The following SLC44A5 variants were observed in gnomAD, a reference collection of about 807,000 sequenced individuals.
SLC44A5 encodes choline transporter-like protein 5.
In SLC44A5, 57 loss-of-function variants were observed where a neutral mutation model predicts 101.8. That is an observed-to-expected ratio of 0.56 (90% confidence interval 0.45 to 0.70). The LOEUF (loss-of-function observed/expected upper bound fraction) is 0.70, where lower values mean the gene tolerates loss of function less well. SLC44A5 is among the 30% of genes least tolerant of loss of function. The pLI is 0.00. For synonymous variants in SLC44A5, 281 were observed against 290.9 expected, an observed-to-expected ratio of 0.97 and a Z score of 0.35; for missense variants, 737 against 853.1, an observed-to-expected ratio of 0.86 and a Z score of 1.70.
intron 3 of SLC44A5, among the ~76,000 whole-genome samples, chr1:75,391,235 A>T (rs1188551321): frequency 6.6e-6 from 1 of 152,178 alleles, no homozygotes; most frequent in African/African-American, 2.4e-5. Context: ...TATTCCTTGC[A>T]CATAGATTGG....
At chr1:75,503,307 C>G (rs1669069213) in intron 2 of SLC44A5, among the ~76,000 whole-genome samples, 1 of 152,046 alleles carries the variant, frequency 6.6e-6, no homozygotes, top group Non-Finnish European at 1.5e-5. Context: ...GGCTCTGTGT[C>G]CCCAACCATA....
intron 2 of SLC44A5, among the ~76,000 whole-genome samples, chr1:75,459,278 C>G (rs1666362688): frequency 6.6e-6 from 1 of 152,030 alleles, no homozygotes; most frequent in Non-Finnish European, 1.5e-5. Context: ...AAAATAATAG[C>G]CTTTATTTAT....
chr1:75,539,672 C>T (rs2101947285), intron 2 of SLC44A5, among the ~76,000 whole-genome samples: 1 of 152,186 alleles, frequency 6.6e-6, no homozygotes, highest in Non-Finnish European at 1.5e-5. Context: ...GGCTCAAGCC[C>T]AAGGAATCTG....
the SLC44A5 span, among the ~76,000 whole-genome samples, chr1:75,711,088 TC>T: frequency 2.6e-5 from 4 of 152,162 alleles, no homozygotes; most frequent in Admixed American, 2.0e-4. Flanking sequence ...TGACTTAAAT[TC>T]CCAAGACAGC....
At chr1:75,638,893 T>C in the SLC44A5 span, among the ~76,000 whole-genome samples, 2 of 152,048 alleles carry the variant, frequency 1.3e-5, no homozygotes, top group Non-Finnish European at 2.9e-5. Flanking sequence ...CTTCTGCCAA[T>C]TGCAACAATA....
intron 2 of SLC44A5, among the ~76,000 whole-genome samples, chr1:75,529,489 A>AGAATCAGG (rs1320375406): frequency 5.9e-5 from 9 of 152,200 alleles, no homozygotes; most frequent in African/African-American, 2.2e-4. Context: ...ACTCTACAGA[A>AGAATCAGG]GAATCAGGGT....
At chr1:75,259,690 A>T (rs889363002) in intron 6 of SLC44A5, among the ~76,000 whole-genome samples, 7 of 152,138 alleles carry the variant, frequency 4.6e-5, no homozygotes, top group Non-Finnish European at 1.0e-4. Flanking sequence ...CACCACAAAG[A>T]TATTCCTTGA....
At chr1:75,262,740 G>A (rs1252301334) in intron 6 of SLC44A5, among the ~76,000 whole-genome samples, 9 of 152,054 alleles carry the variant, frequency 5.9e-5, no homozygotes, top group Non-Finnish European at 1.3e-4. Flanking sequence ...TATACTACAA[G>A]GCTACAGTAA....
chr1:75,304,868 C>T (rs988091282), intron 4 of SLC44A5, among the ~76,000 whole-genome samples: 1 of 152,138 alleles, frequency 6.6e-6, no homozygotes, highest in Non-Finnish European at 1.5e-5. Context: ...AGAATAGTTA[C>T]AGAGACAGTT....
At chr1:75,387,457 A>G (rs1661446043) in intron 3 of SLC44A5, among the ~76,000 whole-genome samples, 1 of 95,430 alleles carries the variant, frequency 1.0e-5, no homozygotes. Flanking sequence ...AACACATGAA[A>G]AAATGCTCAT....
At chr1:75,677,378 T>C in the SLC44A5 span, among the ~76,000 whole-genome samples, 1 of 152,216 alleles carries the variant, frequency 6.6e-6, no homozygotes, top group Non-Finnish European at 1.5e-5. Flanking sequence ...TGTTTATTAA[T>C]TTGTTTAAGC....
At chr1:75,283,591 T>A (rs1363620596) in intron 5 of SLC44A5, among the ~76,000 whole-genome samples, 1 of 151,992 alleles carries the variant, frequency 6.6e-6, no homozygotes, top group Non-Finnish European at 1.5e-5. Flanking sequence ...TCCAGAAGAG[T>A]TTTTCTGATG....
At chr1:75,203,873 A>C in intron 23 of SLC44A5, 40 bp from the exon 24 acceptor site, 1 of 1,505,398 alleles carries the variant, frequency 6.6e-7, no homozygotes, top group Non-Finnish European at 8.9e-7. Context: ...TCAAAGCAGA[A>C]CTGTAAGAGA....
chr1:75,620,676 T>C, the SLC44A5 span, among the ~76,000 whole-genome samples: 2 of 152,166 alleles, frequency 1.3e-5, no homozygotes, highest in South Asian at 4.1e-4. Context: ...TTGATAGGGT[T>C]GTTTGTTTTT....
intron 3 of SLC44A5, among the ~76,000 whole-genome samples, chr1:75,385,011 A>G (rs1661202721): frequency 6.6e-6 from 1 of 152,194 alleles, no homozygotes. Flanking sequence ...GAAACCAATG[A>G]GAACAAAGAC....
chr1:75,666,771 G>C, the SLC44A5 span, among the ~76,000 whole-genome samples: 1 of 152,084 alleles, frequency 6.6e-6, no homozygotes, highest in Non-Finnish European at 1.5e-5. Context: ...GGCATGCAAG[G>C]CTGGTTCAAC....
rs148322359 is a variant in SLC44A5, at chr1:75,298,617, C to T, written c.175+1995G>A. ...TCTGTGGACTACATTAGACTGGCTTCGAGATACAGAGGAGAGACCTATTTG... is the reference window on the plus strand; with the variant it reads ...TCTGTGGACTACATTAGACTGGCTTTGAGATACAGAGGAGAGACCTATTTG... On this transcript the variant is annotated intron_variant, in intron 5 of 23. Transcript: ENST00000370859. 2.0e-3 allele frequency among the ~76,000 whole-genome samples: 299 copies of T among 151,912 alleles called. 1 individual carries two copies. Among genetic ancestry groups the T allele is most frequent in the African/African-American group, 6.6e-3 (272 of 41,418 alleles).
intron 2 of SLC44A5, among the ~76,000 whole-genome samples, chr1:75,486,521 T>G (rs1036232274): frequency 6.6e-6 from 1 of 152,214 alleles, no homozygotes; most frequent in African/African-American, 2.4e-5. Context: ...TTAAAGAAGG[T>G]AACTATTGAC....
At chr1:75,538,625 A>G (rs1671183579) in intron 2 of SLC44A5, among the ~76,000 whole-genome samples, 1 of 152,220 alleles carries the variant, frequency 6.6e-6, no homozygotes, top group South Asian at 2.1e-4. Flanking sequence ...TACAGAAATG[A>G]AGAAGGAACG....
Sources: allele counts gnomAD v4.1 joint callset (sites outside exome capture counted in the v4.1 genomes callset), GRCh38; gene constraint gnomAD v4.1.1; transcripts MANE v1.5; gene names NCBI Gene and HGNC (gene_info 2026-07-23, HGNC 2026-07-21).